SLC16A12: variants seen among roughly 807,000 people sequenced by gnomAD.
SLC16A12 encodes the protein solute carrier family 16 member 12, also known as monocarboxylate transporter 12.
In SLC16A12, 17 loss-of-function variants were observed where a neutral mutation model predicts 42.4. The ratio of observed to expected loss-of-function variants is 0.40; its 90% CI spans 0.27 to 0.60. The LOEUF is 0.60. Ranked by LOEUF, SLC16A12 falls within the 20% of genes least tolerant of loss-of-function variation. The pLI is 0.42. For missense variants in SLC16A12, 544 were observed against 623.0 expected (o/e 0.87, Z 1.35); for synonymous variants, 224 against 229.4 (o/e 0.98, Z 0.21).
chr10:89,461,280 T>C (rs573776940), intron 3 of SLC16A12, among the ~76,000 whole-genome samples: 10 of 152,320 alleles, frequency 6.6e-5, no homozygotes, highest in Non-Finnish European at 1.2e-4. Flanking sequence ...CCTGTATCTA[T>C]GTTTGTGCTC....
chr10:89,490,069 T>TGAA (rs1842824551), intron 2 of SLC16A12, among the ~76,000 whole-genome samples: 1 of 152,178 alleles, frequency 6.6e-6, no homozygotes, highest in African/African-American at 2.4e-5. Flanking sequence ...ATAACTATAG[T>TGAA]GACTCAAGGT....
intron 2 of SLC16A12, among the ~76,000 whole-genome samples, chr10:89,491,858 C>T (rs564722356): frequency 2.0e-5 from 3 of 151,926 alleles, no homozygotes; most frequent in Admixed American, 6.6e-5. Flanking sequence ...AAGTAGAAGT[C>T]GAAAAATAAA....
intron 3 of SLC16A12, among the ~76,000 whole-genome samples, chr10:89,459,457 G>T (rs1842256043): frequency 6.6e-6 from 1 of 151,702 alleles, no homozygotes; most frequent in South Asian, 2.1e-4. Flanking sequence ...GTGTGTATGA[G>T]AATAGTTTAG....
At chr10:89,551,305 G>T (rs1331102967) in intron 2 of SLC16A12, among the ~76,000 whole-genome samples, 1 of 152,006 alleles carries the variant, frequency 6.6e-6, no homozygotes, top group Non-Finnish European at 1.5e-5. Flanking sequence ...TAGCTAGGTA[G>T]GATGGTGCAT....
At chr10:89,483,752 A>AC (rs1842705183) in intron 2 of SLC16A12, among the ~76,000 whole-genome samples, 3 of 145,024 alleles carry the variant, frequency 2.1e-5, no homozygotes, top group East Asian at 4.0e-4. Flanking sequence ...AAAAAAAAAA[A>AC]ACAAAAAAAA....
At position 89,452,299 on chromosome 10, in the gene SLC16A12, T is replaced by C. The variant is rs1371797474; in HGVS notation, c.201-8440A>G. On this transcript the variant is annotated intron_variant, in intron 3 of 7. Coordinates refer to ENST00000371790, the MANE Select transcript of SLC16A12 (RefSeq NM_213606.4). ...GGGTTTCTACTGTTCTGATGGAAAA[T>C]GAAATATGTATGTATGTATGAGCTA... is the stretch of plus-strand genomic sequence containing the variant. Among the ~76,000 whole-genome samples the C allele has an allele frequency of 2.6e-5, 4 of 152,190 alleles. No homozygotes were observed. The East Asian group carries it at 7.7e-4, about 29-fold the overall frequency.
intron 2 of SLC16A12, among the ~76,000 whole-genome samples, chr10:89,510,153 T>C (rs1843140798): frequency 6.6e-6 from 1 of 152,154 alleles, no homozygotes; most frequent in East Asian, 1.9e-4. Context: ...AAAATGGCCA[T>C]ACAGCCCAAA....
At chr10:89,531,989 C>T (rs1363909697) in intron 2 of SLC16A12, among the ~76,000 whole-genome samples, 2 of 152,154 alleles carry the variant, frequency 1.3e-5, no homozygotes, top group Non-Finnish European at 2.9e-5. Flanking sequence ...TCCTCTCTTC[C>T]ATACCAGGAT....
intron 5 of SLC16A12, among the ~76,000 whole-genome samples, chr10:89,440,334 A>G (rs888943131): frequency 2.2e-4 from 34 of 152,198 alleles, no homozygotes; most frequent in African/African-American, 8.0e-4. Flanking sequence ...TCCATTGGTC[A>G]CCATAGCAGC....
rs76138154 is a variant in SLC16A12 at position 89,474,574 on chromosome 10, A to G, written c.-46-11950T>C. Among the ~76,000 whole-genome samples, 433 of 152,318 alleles carry G rather than the reference A, an allele frequency of 2.8e-3. 1 individual carries two copies. Among genetic ancestry groups the G allele is most frequent in the African/African-American group, 9.9e-3 (413 of 41,572 alleles). The stretch of plus-strand genomic sequence containing the variant: ...TCACAAAGCAAGAAAATCAACCATT[A>G]TAACTAGAAAACGAACAGTATTTAA... On this transcript the variant is annotated intron_variant, in intron 2 of 7. Coordinates refer to ENST00000371790, the MANE Select transcript of SLC16A12 (RefSeq NM_213606.4).
chr10:89,458,001 T>A (rs1184124467), intron 3 of SLC16A12, among the ~76,000 whole-genome samples: 6 of 152,210 alleles, frequency 3.9e-5, no homozygotes, highest in Non-Finnish European at 8.8e-5. Context: ...GATGTTAGCA[T>A]GTGTGGATGT....
chr10:89,503,830 T>C (rs188570), intron 2 of SLC16A12, among the ~76,000 whole-genome samples: 79,990 of 151,766 alleles, frequency 0.53, 21,279 homozygotes, highest in Non-Finnish European at 0.55. Context: ...GAGTGGGAGG[T>C]CTGAGCAGAG....
At chr10:89,507,871 G>C (rs770663030) in intron 2 of SLC16A12, among the ~76,000 whole-genome samples, 9 of 152,134 alleles carry the variant, frequency 5.9e-5, no homozygotes, top group Non-Finnish European at 1.2e-4. Flanking sequence ...TCAAAATAAA[G>C]GGATGGAGGA....
At position 89,436,360 on chromosome 10, in the gene SLC16A12, A is replaced by G. The variant is rs371663923; in HGVS notation, c.1029-41T>C. 719 of 1,613,058 alleles carry G rather than the reference A, an allele frequency of 4.5e-4. 2 individuals are homozygous for G. The highest frequency in any genetic ancestry group is 2.5e-3 in the Middle Eastern group (15 of 6,056). On this transcript the variant is annotated intron_variant, in intron 6 of 7. Coordinates refer to ENST00000371790, the MANE Select transcript of SLC16A12 (RefSeq NM_213606.4). ...ACAAGAATAAGTGCAGGAGGTACAC[A>G]TTCTGTAAAAGAGCTTTAGAGCCAC...
chr10:89,487,412 C>T (rs2133799952), intron 2 of SLC16A12, among the ~76,000 whole-genome samples: 1 of 152,084 alleles, frequency 6.6e-6, no homozygotes, highest in African/African-American at 2.4e-5. Flanking sequence ...GTTAATAAAA[C>T]CTCTATGGAA....
chr10:89,467,780 G>C (rs1274488192), intron 2 of SLC16A12, among the ~76,000 whole-genome samples: 1 of 152,224 alleles, frequency 6.6e-6, no homozygotes, highest in East Asian at 1.9e-4. Context: ...TTCTTAAATA[G>C]AGATTTCAGG....
chr10:89,463,606 T>TA (rs909786657), intron 2 of SLC16A12, among the ~76,000 whole-genome samples: 8 of 151,996 alleles, frequency 5.3e-5, no homozygotes, highest in African/African-American at 1.2e-4. Flanking sequence ...CAAACCAAGA[T>TA]AAAAAAAATT....
intron 2 of SLC16A12, among the ~76,000 whole-genome samples, chr10:89,489,187 T>C (rs1168852108): frequency 6.6e-6 from 1 of 152,210 alleles, no homozygotes; most frequent in African/African-American, 2.4e-5. Context: ...CCAACGTTAC[T>C]GCCCAATTTG....
Position 89,433,058 on chromosome 10 carries a change from C to G in SLC16A12, c.*6G>C, listed in dbSNP as rs1045594529. On this transcript the variant is annotated 3_prime_UTR_variant, in exon 8 of 8. Coordinates refer to ENST00000371790, the MANE Select transcript of SLC16A12 (RefSeq NM_213606.4). ...ACCTGAAGATTCTGGGGCTCAAGGC[C>G]TTTGGTCATGTGAGGCTGTAGCCAG... The G allele has an allele frequency of 4.3e-6, 7 of 1,613,966 alleles. No homozygotes were observed. The African/African-American group carries it at 8.0e-5, about 18-fold the overall frequency.
Sources: gnomAD v4.1 joint callset for allele counts (sites outside exome capture counted in the v4.1 genomes callset) on GRCh38, gnomAD v4.1.1 for gene constraint, MANE v1.5 for transcripts, NCBI Gene and HGNC (gene_info 2026-07-23, HGNC 2026-07-21) for gene names.